CAMTA1: variants seen among roughly 807,000 people sequenced by gnomAD.
CAMTA1 encodes calmodulin-binding transcription activator 1.
A neutral mutation model predicts 170.9 loss-of-function variants in CAMTA1; 27 were observed. The ratio of observed to expected loss-of-function variants is 0.16; its 90% CI spans 0.12 to 0.22. The LOEUF (loss-of-function observed/expected upper bound fraction) is 0.22. Among genes scored for constraint, CAMTA1 ranks in the 10% least tolerant of loss-of-function variants. The probability of loss-of-function intolerance (pLI) is 1.00; values close to 1 mark genes in which losing one functional copy is unlikely to be tolerated. For missense variants in CAMTA1, 1,619 were observed against 2,217.2 expected, an observed-to-expected ratio of 0.73 and a Z score of 5.42; for synonymous variants, 833 against 891.5, an observed-to-expected ratio of 0.93 and a Z score of 1.17.
chr1:7,738,583 G>T lies in CAMTA1; in HGVS notation c.4182+101G>T. ...AAGGTTGTGTCATTTTCCTCCCCGT[G>T]AAGCCTTCGAAGTTGGCTTTGTGCA... On this transcript the variant is annotated intron_variant, in intron 16 of 22. Transcript: ENST00000303635. This position sits in a 1 kb window ranked among gnomAD's most constrained non-coding sequence, Gnocchi z 4.9. The T allele has an allele frequency of 1.5e-6, 2 of 1,312,316 alleles. No individual in the cohort carries two copies. Among genetic ancestry groups the T allele is most frequent in the South Asian group, 2.9e-5 (2 of 67,902 alleles). The allele number at this position is 1,312,316 out of a possible 1,614,324, so 81.3% of individuals were successfully genotyped here. A position where few individuals can be genotyped will look rare whatever the true frequency, so the allele number is the denominator to read the frequency against.
Position 7,455,162 on chromosome 1 carries a change from T to G in CAMTA1, c.439-12668T>G, listed in dbSNP as rs1009783691. Among the ~76,000 whole-genome samples, 1 of 152,144 alleles carries G rather than the reference T, an allele frequency of 6.6e-6. No individual in the cohort carries two copies. Among genetic ancestry groups the G allele is most frequent in the Non-Finnish European group, 1.5e-5 (1 of 68,014 alleles). ...GCGCTGCTGTGCAGACCCTGCTAAGTCTGTTCCAGGACAAGACATGCTGCC... is the reference window on the plus strand; with the variant it reads ...GCGCTGCTGTGCAGACCCTGCTAAGGCTGTTCCAGGACAAGACATGCTGCC... On this transcript the variant is annotated intron_variant, in intron 5 of 22. Coordinates refer to ENST00000303635, the MANE Select transcript of CAMTA1 (RefSeq NM_015215.4). This position sits in a 1 kb window ranked among gnomAD's most constrained non-coding sequence, Gnocchi z 5.0.
intron 5 of CAMTA1, among the ~76,000 whole-genome samples, chr1:7,454,279 A>T (rs1318960858): frequency 6.6e-6 from 1 of 152,110 alleles, no homozygotes; most frequent in Non-Finnish European, 1.5e-5. Flanking sequence ...ATGGGGAGCT[A>T]TTAGGAGGAT....
At chr1:7,164,361 T>C (rs1257859957) in intron 4 of CAMTA1, among the ~76,000 whole-genome samples, 1 of 152,204 alleles carries the variant, frequency 6.6e-6, no homozygotes, top group Non-Finnish European at 1.5e-5. Flanking sequence ...GTTGAATTTA[T>C]TATCATTTTT....
chr1:7,370,939 T>C (rs1253028337), intron 5 of CAMTA1, among the ~76,000 whole-genome samples: 1 of 72,216 alleles, frequency 1.4e-5, no homozygotes. Context: ...TGAGACGGAG[T>C]CTCACTCTGT....
intron 6 of CAMTA1, among the ~76,000 whole-genome samples, chr1:7,479,826 C>G (rs1281229618): frequency 6.6e-6 from 1 of 152,268 alleles, no homozygotes; most frequent in Non-Finnish European, 1.5e-5. Flanking sequence ...CTGGCAGCCA[C>G]CGAACCCACA....
chr1:7,053,083 G>A (rs1475078201), intron 3 of CAMTA1, among the ~76,000 whole-genome samples: 2 of 152,220 alleles, frequency 1.3e-5, no homozygotes, highest in African/African-American at 4.8e-5. Context: ...GAGGGAGCTC[G>A]TGGGGGCGGC....
intron 5 of CAMTA1, among the ~76,000 whole-genome samples, chr1:7,434,103 T>G (rs2092271101): frequency 6.6e-6 from 1 of 150,990 alleles, no homozygotes; most frequent in Non-Finnish European, 1.5e-5. Context: ...TCCTGGAGAG[T>G]CCCTCCCCAA....
At chr1:7,418,954 G>A (rs2091381668) in intron 5 of CAMTA1, among the ~76,000 whole-genome samples, 1 of 152,174 alleles carries the variant, frequency 6.6e-6, no homozygotes, top group Non-Finnish European at 1.5e-5. Flanking sequence ...TTCAGACACA[G>A]GTCAGATCAG....
rs7521716 is a variant in CAMTA1, at chr1:7,690,397, G to A, written c.2914+12664G>A. The stretch of plus-strand genomic sequence containing the variant: ...TCAGCAGATCGGGAGGTACCCAGTG[G>A]AGGCCTCAGAGTGTCTCCTGTCATA... On this transcript the variant is annotated intron_variant, in intron 11 of 22. Transcript: ENST00000303635. Among the ~76,000 whole-genome samples the A allele has an allele frequency of 8.9e-3, 1,350 of 152,304 alleles. 18 individuals are homozygous for A. The highest frequency in any genetic ancestry group is 0.03 in the African/African-American group (1,264 of 41,550).
Position 6,982,460 on chromosome 1 carries a change from G to A in CAMTA1, c.235-108844G>A, listed in dbSNP as rs544397966. 7.9e-5 allele frequency among the ~76,000 whole-genome samples: 12 copies of A among 152,342 alleles called. No individual in the cohort carries two copies. In the East Asian group the frequency reaches 2.3e-3, roughly 29 times the overall value. ...AGGCACCTCTCATTGCCTGTGACAT[G>A]GAGAGCGGGAGGAGGGGCCAGAGTG... On this transcript the variant is annotated intron_variant, in intron 3 of 22. Coordinates refer to ENST00000303635, the MANE Select transcript of CAMTA1 (RefSeq NM_015215.4).
At chr1:6,889,336 A>G (rs983080265) in intron 3 of CAMTA1, among the ~76,000 whole-genome samples, 20 of 152,348 alleles carry the variant, frequency 1.3e-4, no homozygotes, top group African/African-American at 4.8e-4. Context: ...ATGAGGCAGA[A>G]CTCACAAATC....
chr1:7,356,871 T>C (rs2085155889), intron 5 of CAMTA1, among the ~76,000 whole-genome samples: 2 of 152,206 alleles, frequency 1.3e-5, no homozygotes, highest in Admixed American at 1.3e-4. Context: ...GCATAGTACC[T>C]GCTTCCTGGG....
chr1:7,695,007 A>C lies in CAMTA1; in HGVS notation c.2914+17274A>C, dbSNP rs551381933. Among the ~76,000 whole-genome samples the C allele has an allele frequency of 3.0e-4, 46 of 152,330 alleles. No individual in the cohort carries two copies. The Middle Eastern group carries it at 0.01, about 34-fold the overall frequency. Reference sequence around the variant, plus strand: ...CAATTCAGTGTAATTCCTGAGGCATAAAAAATGCATCATTGCTCTAATTTT... The same window carrying C: ...CAATTCAGTGTAATTCCTGAGGCATCAAAAATGCATCATTGCTCTAATTTT... On this transcript the variant is annotated intron_variant, in intron 11 of 22. Transcript: ENST00000303635.
chr1:6,946,501 T>G (rs1319234039), intron 3 of CAMTA1, among the ~76,000 whole-genome samples: 2 of 152,218 alleles, frequency 1.3e-5, no homozygotes, highest in Non-Finnish European at 2.9e-5. Context: ...CCTATCTTTC[T>G]TTTTGATTAT....
intron 4 of CAMTA1, among the ~76,000 whole-genome samples, chr1:7,172,112 T>A (rs184732934): frequency 6.6e-6 from 1 of 152,308 alleles, no homozygotes; most frequent in African/African-American, 2.4e-5. Context: ...ACGGGACAGG[T>A]TCAGGTTGAA....
chr1:7,671,564 C>A (rs572180528), intron 10 of CAMTA1, among the ~76,000 whole-genome samples: 86 of 152,288 alleles, frequency 5.6e-4, no homozygotes, highest in African/African-American at 2.0e-3. Flanking sequence ...CTGGCAGGGG[C>A]GGAGGGAGAT....
rs540176064 is a variant in CAMTA1 at position 7,725,180 on chromosome 1, A to G, written c.2915-7268A>G. Among the ~76,000 whole-genome samples, 12 of 152,360 alleles carry G rather than the reference A, an allele frequency of 7.9e-5. No homozygotes were observed. In the South Asian group the frequency reaches 2.3e-3, roughly 29 times the overall value. Reference sequence around the variant, plus strand: ...ATTTACATGCGCGTGCATGTCTGGAAGGTAGCGGGAAGGAACTACTGCATG... The same window carrying G: ...ATTTACATGCGCGTGCATGTCTGGAGGGTAGCGGGAAGGAACTACTGCATG... On this transcript the variant is annotated intron_variant, in intron 11 of 22. Transcript: ENST00000303635.
At chr1:7,117,611 C>A (rs183945941) in intron 4 of CAMTA1, among the ~76,000 whole-genome samples, 20 of 152,186 alleles carry the variant, frequency 1.3e-4, no homozygotes, top group African/African-American at 1.7e-4. Flanking sequence ...CTGGCTCCCC[C>A]CTAGTGGGCA....
chr1:7,044,710 C>G lies in CAMTA1; in HGVS notation c.235-46594C>G, dbSNP rs1281725861. Among the ~76,000 whole-genome samples, 1 of 152,084 alleles carries G rather than the reference C, an allele frequency of 6.6e-6. No individual in the cohort carries two copies. The highest frequency in any genetic ancestry group is 1.5e-5 in the Non-Finnish European group (1 of 68,002). On this transcript the variant is annotated intron_variant, in intron 3 of 22. Coordinates refer to ENST00000303635, the MANE Select transcript of CAMTA1 (RefSeq NM_015215.4). The surrounding 1 kb of genome is among the most constrained non-coding windows in gnomAD (Gnocchi z 5.0). ...CTCTCTGGGCGACCTTCCGAGGAGG[C>G]ATCAGCTCTTCCCTTGCTTTGGGGA...
Sources: gnomAD v4.1 joint callset for allele counts (sites outside exome capture counted in the v4.1 genomes callset) on GRCh38, gnomAD v4.1.1 for gene constraint, Gnocchi (gnomAD v3.1) non-coding constraint, MANE v1.5 for transcripts, NCBI Gene and HGNC (gene_info 2026-07-23, HGNC 2026-07-21) for gene names.